ZBTB20: variants seen among roughly 807,000 people sequenced by gnomAD.
The protein encoded by ZBTB20 is zinc finger and BTB domain containing 20, also known as zinc finger and BTB domain-containing protein 20.
ZBTB20 carries 9 observed loss-of-function variants against 56.9 expected under a neutral mutation model. That is an observed-to-expected ratio of 0.16 (90% CI 0.10 to 0.28). ZBTB20 has a LOEUF of 0.28. Among genes scored for constraint, ZBTB20 ranks in the 10% least tolerant of loss-of-function variants. The pLI, the probability that ZBTB20 is intolerant of heterozygous loss-of-function variation, is 1.00. For synonymous variants in ZBTB20, 417 were observed against 420.7 expected (o/e 0.99, Z 0.11); for missense variants, 655 against 1,003.0 (o/e 0.65, Z 4.69).
chr3:115,039,573 A>G (rs2108383176), intron 2 of ZBTB20, among the ~76,000 whole-genome samples: 1 of 152,204 alleles, frequency 6.6e-6, no homozygotes, highest in Middle Eastern at 3.4e-3. Flanking sequence ...TGATTCTATT[A>G]GTCTTCTCAA....
chr3:115,090,894 T>C (rs1465106732), intron 1 of ZBTB20, among the ~76,000 whole-genome samples: 1 of 151,912 alleles, frequency 6.6e-6, no homozygotes, highest in Non-Finnish European at 1.5e-5. Flanking sequence ...CCTCTAGATG[T>C]AAATTTCATG....
chr3:114,533,190 C>T (rs1245955595), intron 6 of ZBTB20, among the ~76,000 whole-genome samples: 2 of 152,000 alleles, frequency 1.3e-5, no homozygotes, highest in African/African-American at 2.4e-5. Context: ...TAACGAACTC[C>T]TCTGAGCTAA....
At chr3:114,858,145 C>T (rs1295956103) in intron 4 of ZBTB20, among the ~76,000 whole-genome samples, 3 of 152,140 alleles carry the variant, frequency 2.0e-5, no homozygotes, top group Non-Finnish European at 4.4e-5. Flanking sequence ...TTAATCTCAG[C>T]TTAATTATAT....
intron 2 of ZBTB20, among the ~76,000 whole-genome samples, chr3:114,987,154 C>T (rs1296609822): frequency 1.3e-5 from 2 of 152,036 alleles, no homozygotes; most frequent in African/African-American, 4.8e-5. Context: ...TTTTAGATAA[C>T]ATGATAAAGT....
intron 5 of ZBTB20, chr3:114,759,141 GAGA>G (rs2068251518): frequency 6.6e-6 from 1 of 152,272 alleles, no homozygotes; most frequent in African/African-American, 2.4e-5. Context: ...TTCTCCAAAG[GAGA>G]AGACTTTCGC....
At chr3:114,967,635 T>C (rs2077697346) in intron 3 of ZBTB20, among the ~76,000 whole-genome samples, 1 of 152,032 alleles carries the variant, frequency 6.6e-6, no homozygotes, top group East Asian at 1.9e-4. Context: ...GGTAATAAAG[T>C]CTCTTTCACC....
chr3:114,792,433 C>A (rs534170325), intron 5 of ZBTB20, among the ~76,000 whole-genome samples: 13 of 152,254 alleles, frequency 8.5e-5, no homozygotes, highest in African/African-American at 3.1e-4. Context: ...AGGGCTTTCA[C>A]ACAGATAATC....
chr3:114,486,143 G>GGGA (rs1553726995), intron 7 of ZBTB20, among the ~76,000 whole-genome samples: 1 of 99,448 alleles, frequency 1.0e-5, no homozygotes, highest in African/African-American at 3.8e-5. Flanking sequence ...TGTGTGGGGG[G>GGGA]GGGGGGCGGT....
At chr3:114,743,113 G>GA (rs1256169430) in intron 5 of ZBTB20, among the ~76,000 whole-genome samples, 2 of 152,090 alleles carry the variant, frequency 1.3e-5, no homozygotes, top group Non-Finnish European at 2.9e-5. Flanking sequence ...CCATCAAAGA[G>GA]AAACCTGTTC....
At position 114,620,334 on chromosome 3, in the gene ZBTB20, A is replaced by G. The variant is rs141895063; in HGVS notation, c.-295+73194T>C. The stretch of plus-strand genomic sequence containing the variant: ...TGAGATGGAGTTTTGCTCTTGTTGC[A>G]CAGGCTGGAGTGCAATGGCACGACT... On this transcript the variant is annotated intron_variant, in intron 6 of 11. Transcript: ENST00000675478. Among the ~76,000 whole-genome samples the G allele has an allele frequency of 1.6e-3, 245 of 151,704 alleles. 11 individuals carry two copies. In the East Asian group the frequency reaches 0.046, roughly 28 times the overall value.
chr3:115,134,967 A>T (rs2084615242), intron 1 of ZBTB20, among the ~76,000 whole-genome samples: 1 of 152,202 alleles, frequency 6.6e-6, no homozygotes, highest in African/African-American at 2.4e-5. Context: ...AGAGGACTCC[A>T]CCAGGACATT....
intron 4 of ZBTB20, among the ~76,000 whole-genome samples, chr3:114,873,566 AC>A (rs1252137887): frequency 6.6e-6 from 1 of 152,158 alleles, no homozygotes; most frequent in Non-Finnish European, 1.5e-5. Flanking sequence ...TTTACAAAGT[AC>A]CCTTTGGGCA....
intron 3 of ZBTB20, among the ~76,000 whole-genome samples, chr3:114,938,994 C>T (rs978587905): frequency 6.9e-6 from 1 of 144,762 alleles, no homozygotes; most frequent in African/African-American, 2.9e-5. Flanking sequence ...GAAATGTCCC[C>T]GTTCTGGTAT....
chr3:114,736,034 T>G (rs2066134401), intron 5 of ZBTB20, among the ~76,000 whole-genome samples: 1 of 152,160 alleles, frequency 6.6e-6, no homozygotes, highest in Non-Finnish European at 1.5e-5. Flanking sequence ...CCAGAATTAT[T>G]TATGTATTTG....
intron 7 of ZBTB20, among the ~76,000 whole-genome samples, chr3:114,396,569 G>A (rs1242486727): frequency 1.3e-5 from 2 of 152,160 alleles, no homozygotes; most frequent in African/African-American, 4.8e-5. Context: ...TTGGTCATCA[G>A]TCATGAAGGC....
At chr3:114,725,983 C>G (rs1190006287) in intron 5 of ZBTB20, among the ~76,000 whole-genome samples, 2 of 152,080 alleles carry the variant, frequency 1.3e-5, no homozygotes, top group Non-Finnish European at 2.9e-5. Context: ...ACAGTGGGTA[C>G]TGAATAAATG....
chr3:114,452,445 T>A (rs1429964321), intron 7 of ZBTB20, among the ~76,000 whole-genome samples: 4 of 152,106 alleles, frequency 2.6e-5, no homozygotes. Flanking sequence ...TTTCAGTGAG[T>A]TCAAGTGCTA....
chr3:114,579,901 G>A (rs2054471537), intron 6 of ZBTB20, among the ~76,000 whole-genome samples: 1 of 151,618 alleles, frequency 6.6e-6, no homozygotes, highest in Admixed American at 6.6e-5. Flanking sequence ...TGATATTCAA[G>A]TCTGCCTACC....
chr3:114,702,386 A>T lies in ZBTB20; in HGVS notation c.-342-8811T>A, dbSNP rs138610412. Among the ~76,000 whole-genome samples the T allele has an allele frequency of 4.8e-3, 733 of 152,220 alleles. 4 individuals are homozygous for T. Among genetic ancestry groups the T allele is most frequent in the Middle Eastern group, 0.024 (7 of 294 alleles). On this transcript the variant is annotated intron_variant, in intron 5 of 11. Transcript: ENST00000675478. The stretch of plus-strand genomic sequence containing the variant: ...CCAAAAATCAGATGATTAATACAAC[A>T]TTAACATTTCAATCTGGATGTGTGT...
Sources: gnomAD v4.1 joint callset for allele counts (sites outside exome capture counted in the v4.1 genomes callset) on GRCh38, gnomAD v4.1.1 for gene constraint, MANE v1.5 for transcripts, NCBI Gene and HGNC (gene_info 2026-07-23, HGNC 2026-07-21) for gene names.